EHBP1: variants seen among roughly 807,000 people sequenced by gnomAD.
EHBP1 encodes the protein EH domain-binding protein 1.
In EHBP1, 55 loss-of-function variants were observed where a neutral mutation model predicts 144.0. The ratio of observed to expected loss-of-function variants is 0.38; its 90% confidence interval spans 0.31 to 0.48. The LOEUF is 0.48. Among genes scored for constraint, EHBP1 ranks in the 20% least tolerant of loss-of-function variants. The probability of loss-of-function intolerance (pLI) is 0.98; values close to 1 mark genes in which losing one functional copy is unlikely to be tolerated. For synonymous variants in EHBP1, 469 were observed against 472.7 expected, an observed-to-expected ratio of 0.99 and a Z score of 0.10; for missense variants, 1,200 against 1,364.2, an observed-to-expected ratio of 0.88 and a Z score of 1.90.
intron 21 of EHBP1, among the ~76,000 whole-genome samples, chr2:63,039,487 T>C (rs17657646): frequency 0.039 from 5,999 of 152,240 alleles, 165 homozygotes; most frequent in Non-Finnish European, 0.059. Context: ...TGAAAATGTC[T>C]TATAGTTCAA....
rs142855555 is a variant in EHBP1 at position 62,788,423 on chromosome 2, G to A, written c.312+17031G>A. Reference sequence around the variant, plus strand: ...AGGTGGAGGGGTGGGTATTGCATATGTCTATTAATCTGTCACTCTGAGTAA... The same window carrying A: ...AGGTGGAGGGGTGGGTATTGCATATATCTATTAATCTGTCACTCTGAGTAA... On this transcript the variant is annotated intron_variant, in intron 5 of 22. Coordinates refer to ENST00000431489, the MANE Select transcript of EHBP1 (RefSeq NM_001142616.3). Among the ~76,000 whole-genome samples the A allele has an allele frequency of 2.6e-3, 394 of 151,920 alleles. 1 individual carries two copies. Among genetic ancestry groups the A allele is most frequent in the African/African-American group, 8.9e-3 (367 of 41,440 alleles).
chr2:62,733,142 C>G (rs2152046897), intron 2 of EHBP1, among the ~76,000 whole-genome samples: 1 of 152,186 alleles, frequency 6.6e-6, no homozygotes, highest in Non-Finnish European at 1.5e-5. Context: ...TTTTGCTCTA[C>G]CTTGTAATTT....
rs898932970 is a variant in EHBP1, at chr2:63,046,352, A to G, written c.*852A>G. 2.0e-5 allele frequency: 3 copies of G among 152,668 alleles called. No individual in the cohort carries two copies. Among genetic ancestry groups the G allele is most frequent in the Non-Finnish European group, 2.9e-5 (2 of 68,044 alleles). 9.5% of individuals were successfully genotyped at this position (152,668 alleles called of 1,614,324 possible). On this transcript the variant is annotated 3_prime_UTR_variant, in exon 23 of 23. Transcript: ENST00000431489. ...TTGATAAAAAGTCTGTCTTGCCACT[A>G]CAAGTAAATCCCCCATTTAATATTT...
intron 7 of EHBP1, among the ~76,000 whole-genome samples, chr2:62,857,191 T>C (rs1003280595): frequency 1.3e-5 from 2 of 152,158 alleles, no homozygotes; most frequent in African/African-American, 4.8e-5. Flanking sequence ...TTTTTTTTGT[T>C]GCTTTAAGCA....
At chr2:63,032,577 A>AC (rs1363229940) in intron 19 of EHBP1, among the ~76,000 whole-genome samples, 3 of 150,766 alleles carry the variant, frequency 2.0e-5, no homozygotes, top group Non-Finnish European at 3.0e-5. Flanking sequence ...AAAAAAAAAA[A>AC]AAAAAAAAAA....
At chr2:62,941,013 T>G (rs530525955) in intron 10 of EHBP1, among the ~76,000 whole-genome samples, 1 of 152,320 alleles carries the variant, frequency 6.6e-6, no homozygotes, top group South Asian at 2.1e-4. Flanking sequence ...GTAATGATAG[T>G]TACAGATTAT....
intron 16 of EHBP1, among the ~76,000 whole-genome samples, chr2:62,991,337 T>A (rs1178031223): frequency 6.6e-6 from 1 of 152,130 alleles, no homozygotes; most frequent in African/African-American, 2.4e-5. Flanking sequence ...ATATACTATT[T>A]TTCAGGGAAA....
Position 62,831,102 on chromosome 2 carries a change from A to T in EHBP1, c.578A>T (p.Asn193Ile). The change falls in exon 7 of 23, where the codon AAT (asparagine) becomes ATT (isoleucine). Residue 193 changes from asparagine to isoleucine, a missense_variant. This residue lies in a region of EHBP1 where 266 missense variants were observed against 262.4 expected (regional missense o/e 1.01). Coordinates refer to ENST00000431489, the MANE Select transcript of EHBP1 (RefSeq NM_001142616.3). The stretch of plus-strand genomic sequence containing the variant: ...AATTTAGATGACTTCGAAGAAGATA[A>T]TGAAGATGATGATGAGAACAGAGTG... ...IGNLDDFEED[N>I]EDDDENRVNQ... 6.2e-7 allele frequency: 1 copy of T among 1,609,616 alleles called. No homozygotes were observed. The highest frequency in any genetic ancestry group is 8.5e-7 in the Non-Finnish European group (1 of 1,178,798).
chr2:62,677,748 T>A (rs1303234956), intron 1 of EHBP1, among the ~76,000 whole-genome samples: 1 of 152,242 alleles, frequency 6.6e-6, no homozygotes, highest in East Asian at 1.9e-4. Context: ...TTTGTGTTTC[T>A]GTTCCTGGCT....
intron 15 of EHBP1, among the ~76,000 whole-genome samples, chr2:62,987,083 A>T (rs1387918838): frequency 2.0e-5 from 3 of 152,204 alleles, no homozygotes; most frequent in Admixed American, 6.5e-5. Context: ...GTTGGATAGA[A>T]ATTAAAGTTA....
intron 2 of EHBP1, among the ~76,000 whole-genome samples, chr2:62,708,045 C>T (rs991763715): frequency 9.2e-5 from 14 of 151,996 alleles, no homozygotes; most frequent in African/African-American, 3.4e-4. Context: ...AGCAAATGGT[C>T]GTTTGGGTCT....
At chr2:62,753,510 G>C (rs576909205) in intron 3 of EHBP1, among the ~76,000 whole-genome samples, 1 of 152,184 alleles carries the variant, frequency 6.6e-6, no homozygotes, top group East Asian at 1.9e-4. Flanking sequence ...GAGTGTCTTT[G>C]TGGCGTTCTC....
chr2:62,733,438 A>G (rs1427351370), intron 2 of EHBP1, among the ~76,000 whole-genome samples: 1 of 152,012 alleles, frequency 6.6e-6, no homozygotes, highest in Admixed American at 6.6e-5. Context: ...AGCCCTACTG[A>G]TATGGTGGTA....
chr2:62,872,648 T>C (rs531145342), intron 9 of EHBP1, among the ~76,000 whole-genome samples: 2 of 152,126 alleles, frequency 1.3e-5, no homozygotes, highest in Non-Finnish European at 2.9e-5. Context: ...ATGTCAGTGA[T>C]TTTTAGTATG....
intron 18 of EHBP1, among the ~76,000 whole-genome samples, chr2:62,994,592 G>A (rs969189505): frequency 6.6e-6 from 1 of 152,094 alleles, no homozygotes; most frequent in African/African-American, 2.4e-5. Context: ...GACAGAAGCA[G>A]GAAGAACAAG....
At chr2:62,735,874 A>C (rs1000501804) in intron 2 of EHBP1, among the ~76,000 whole-genome samples, 1 of 152,092 alleles carries the variant, frequency 6.6e-6, no homozygotes, top group Non-Finnish European at 1.5e-5. Context: ...GGTTTCTGAG[A>C]AGTTGGAAGT....
chr2:62,891,753 G>A (rs1022371489), intron 10 of EHBP1, among the ~76,000 whole-genome samples: 1 of 152,170 alleles, frequency 6.6e-6, no homozygotes, highest in South Asian at 2.1e-4. Context: ...CTTGCATATA[G>A]CGAGGCCGTT....
In EHBP1 at chr2:62,996,675, AG is replaced by A; in HGVS notation, c.3014del (p.Gly1005GlufsTer6). On this transcript the variant is annotated frameshift_variant, in exon 19 of 23. Coordinates refer to ENST00000431489, the MANE Select transcript of EHBP1 (RefSeq NM_001142616.3). LOFTEE classifies it high-confidence loss of function. The stretch of plus-strand genomic sequence containing the variant: ...TCAAAGACACCAGTCAGTATGTAGT[AG>A]GAGAATTGGCAGCACTAGAGAATGA... The part of the protein sequence containing the change: ...GFKDTSQYVV[G>X]ELAALENEQK... 1 of 1,613,428 alleles carries A rather than the reference AG, an allele frequency of 6.2e-7. No individual in the cohort carries two copies. Among genetic ancestry groups the A allele is most frequent in the Non-Finnish European group, 8.5e-7 (1 of 1,179,622 alleles).
At chr2:62,783,711 GC>G (rs1293852518) in intron 5 of EHBP1, among the ~76,000 whole-genome samples, 1 of 152,220 alleles carries the variant, frequency 6.6e-6, no homozygotes, top group East Asian at 1.9e-4. Context: ...CCTGGACCTG[GC>G]TCAGGAAACC....
Sources: allele counts gnomAD v4.1 joint callset (sites outside exome capture counted in the v4.1 genomes callset), GRCh38; gene constraint gnomAD v4.1.1; regional missense constraint gnomAD v4.1.1; transcripts MANE v1.5; gene names NCBI Gene and HGNC (gene_info 2026-07-23, HGNC 2026-07-21).